The following PLEKHA7 variants were observed in gnomAD, a reference collection of about 807,000 sequenced individuals.
PLEKHA7 encodes pleckstrin homology domain-containing family A member 7.
In PLEKHA7, 104 loss-of-function variants were observed where a neutral mutation model predicts 170.0. The ratio of observed to expected loss-of-function variants is 0.61; its 90% confidence interval spans 0.52 to 0.72. The LOEUF (loss-of-function observed/expected upper bound fraction) is 0.72. Among genes scored for constraint, PLEKHA7 ranks in the 30% least tolerant of loss-of-function variants. The probability of loss-of-function intolerance (pLI) is 0.00; values close to 1 mark genes in which losing one functional copy is unlikely to be tolerated. For synonymous variants in PLEKHA7, 648 were observed against 660.8 expected (o/e 0.98, Z 0.30); for missense variants, 1,615 against 1,671.7 (o/e 0.97, Z 0.59).
chr11:16,851,957 C>T (rs1853001768), intron 7 of PLEKHA7, among the ~76,000 whole-genome samples: 1 of 152,226 alleles, frequency 6.6e-6, no homozygotes, highest in South Asian at 2.1e-4. Flanking sequence ...TTCTGGGGCT[C>T]CACAGAAGCT....
At chr11:16,785,760 T>C (rs557248631) in intron 24 of PLEKHA7, among the ~76,000 whole-genome samples, 9 of 152,296 alleles carry the variant, frequency 5.9e-5, no homozygotes, top group African/African-American at 1.9e-4. Context: ...CTACCATGGC[T>C]GGAAATTTCG....
intron 8 of PLEKHA7, among the ~76,000 whole-genome samples, chr11:16,842,802 A>G (rs1279801838): frequency 2.0e-5 from 3 of 152,176 alleles, no homozygotes; most frequent in Non-Finnish European, 2.9e-5. Flanking sequence ...CTGAGTACCT[A>G]CTATGTGTCT....
chr11:17,013,850 G>T (rs1565209181), intron 3 of PLEKHA7, 139 bp downstream of exon 3: 1 of 1,061,926 alleles, frequency 9.4e-7, no homozygotes, highest in Non-Finnish European at 1.3e-6. Flanking sequence ...CACACAAAAC[G>T]TTGAGTGTGG....
rs772450067 is a variant in PLEKHA7, at chr11:16,896,269, T to A, written c.222-25087A>T. Among the ~76,000 whole-genome samples, 43 of 152,180 alleles carry A rather than the reference T, an allele frequency of 2.8e-4. 2 individuals are homozygous for A. The highest frequency in any genetic ancestry group is 9.7e-5 in the African/African-American group (4 of 41,444). ...ACTGTTTCTATTCTTTTATTCCCCA[T>A]CTTGGTGAAGGTCACCAAGGAGCAC... On this transcript the variant is annotated intron_variant, in intron 3 of 26. Transcript: ENST00000531066.
At chr11:16,933,652 C>A (rs752868681) in intron 3 of PLEKHA7, among the ~76,000 whole-genome samples, 2 of 152,178 alleles carry the variant, frequency 1.3e-5, no homozygotes, top group Non-Finnish European at 2.9e-5. Context: ...TGATCAAGAA[C>A]TCTATTTTGG....
chr11:16,900,821 G>A (rs1479905112), intron 3 of PLEKHA7, among the ~76,000 whole-genome samples: 1 of 151,716 alleles, frequency 6.6e-6, no homozygotes, highest in Non-Finnish European at 1.5e-5. Context: ...TACCTCAAGT[G>A]GCATAACATG....
At chr11:16,940,018 G>A (rs1860571383) in intron 3 of PLEKHA7, among the ~76,000 whole-genome samples, 1 of 152,088 alleles carries the variant, frequency 6.6e-6, no homozygotes, top group African/African-American at 2.4e-5. Context: ...CATTTGCCAA[G>A]CCAAAGCCAG....
At chr11:16,823,893 G>T (rs1850432938) in intron 10 of PLEKHA7, among the ~76,000 whole-genome samples, 1 of 152,140 alleles carries the variant, frequency 6.6e-6, no homozygotes, top group Non-Finnish European at 1.5e-5. Context: ...ACAAAATGTG[G>T]TATTTATACT....
chr11:16,887,880 C>T (rs929695288), intron 3 of PLEKHA7, among the ~76,000 whole-genome samples: 1 of 152,038 alleles, frequency 6.6e-6, no homozygotes, highest in Non-Finnish European at 1.5e-5. Context: ...AGGAGCCCCT[C>T]TGCCTGGCTG....
intron 9 of PLEKHA7, among the ~76,000 whole-genome samples, chr11:16,838,693 CTT>C (rs869209891): frequency 0.045 from 4,840 of 107,704 alleles, 79 homozygotes; most frequent in East Asian, 0.12. Context: ...ACACAGTTTT[CTT>C]TTTTTTTTTT....
At chr11:16,779,063 G>C in intron 26 of PLEKHA7, 43 bp from the exon 27 acceptor site, 1 of 702,270 alleles carries the variant, frequency 1.4e-6, no homozygotes, top group Admixed American at 2.0e-5. Flanking sequence ...GGCATCCAGG[G>C]AGCAGGCACG....
chr11:16,998,887 T>A (rs188702459), intron 3 of PLEKHA7, among the ~76,000 whole-genome samples: 7 of 151,858 alleles, frequency 4.6e-5, no homozygotes, highest in Non-Finnish European at 8.8e-5. Context: ...GGGTAGGAAA[T>A]CATTTCTCTT....
chr11:16,870,908 A>C (rs181408432), intron 4 of PLEKHA7, among the ~76,000 whole-genome samples, 191 bp downstream of exon 4: 1 of 152,318 alleles, frequency 6.6e-6, no homozygotes, highest in African/African-American at 2.4e-5. Flanking sequence ...CTCCTCTTCC[A>C]TATCTTGCCA....
chr11:16,813,101 G>A lies in PLEKHA7; in HGVS notation c.2007+12C>T. 1.2e-6 allele frequency: 2 copies of A among 1,611,390 alleles called. No homozygotes were observed. The highest frequency in any genetic ancestry group is 8.5e-7 in the Non-Finnish European group (1 of 1,177,632). On this transcript the variant is annotated intron_variant, in intron 13 of 26. Transcript: ENST00000531066. ...AGTATGCAAGGAAGGCAGGAACCCT[G>A]ATGTCACTTACCTTTAGATCCAGGT... is the stretch of plus-strand genomic sequence containing the variant.
At chr11:16,880,096 G>C (rs1281054268) in intron 3 of PLEKHA7, among the ~76,000 whole-genome samples, 2 of 152,226 alleles carry the variant, frequency 1.3e-5, no homozygotes, top group African/African-American at 2.4e-5. Flanking sequence ...GAAGTTGGCA[G>C]AGGGGCAATG....
intron 3 of PLEKHA7, among the ~76,000 whole-genome samples, chr11:16,911,404 C>T (rs187865256): frequency 6.6e-6 from 1 of 152,292 alleles, no homozygotes; most frequent in African/African-American, 2.4e-5. Flanking sequence ...TGGAACAAAG[C>T]TCCAACCACA....
chr11:16,926,205 C>G (rs1169937809), intron 3 of PLEKHA7, among the ~76,000 whole-genome samples: 1 of 152,232 alleles, frequency 6.6e-6, no homozygotes, highest in Non-Finnish European at 1.5e-5. Flanking sequence ...GCGACCTCAT[C>G]GCCCAGGAGG....
At chr11:16,964,487 C>T (rs910503118) in intron 3 of PLEKHA7, among the ~76,000 whole-genome samples, 8 of 152,180 alleles carry the variant, frequency 5.3e-5, no homozygotes, top group African/African-American at 1.9e-4. Context: ...GAGCTGTACC[C>T]AAGCCTAGGA....
intron 4 of PLEKHA7, among the ~76,000 whole-genome samples, chr11:16,858,425 TGACTGG>T (rs1315509358): frequency 7.9e-5 from 12 of 152,288 alleles, no homozygotes; most frequent in African/African-American, 2.9e-4. Flanking sequence ...TCTGGATTTG[TGACTGG>T]CCAGGAAATC....
Sources: gnomAD v4.1 joint callset for allele counts (sites outside exome capture counted in the v4.1 genomes callset) on GRCh38, gnomAD v4.1.1 for gene constraint, MANE v1.5 for transcripts, NCBI Gene and HGNC (gene_info 2026-07-23, HGNC 2026-07-21) for gene names.